MAML3: variants seen among roughly 807,000 people sequenced by gnomAD.
The protein encoded by MAML3 is mastermind-like protein 3.
In MAML3, 27 loss-of-function variants were observed where a neutral mutation model predicts 101.9. The ratio of observed to expected loss-of-function variants is 0.27; its 90% CI spans 0.20 to 0.37. The LOEUF is 0.37. Ranked by LOEUF, MAML3 falls within the 10% of genes least tolerant of loss-of-function variation. The probability of loss-of-function intolerance (pLI) is 1.00; values close to 1 mark genes in which losing one functional copy is unlikely to be tolerated. For synonymous variants in MAML3, 501 were observed against 555.9 expected, an observed-to-expected ratio of 0.90 and a Z score of 1.39; for missense variants, 1,316 against 1,444.9, an observed-to-expected ratio of 0.91 and a Z score of 1.45.
chr4:139,991,288 A>G (rs1405882136), intron 1 of MAML3, among the ~76,000 whole-genome samples: 1 of 152,210 alleles, frequency 6.6e-6, no homozygotes, highest in Admixed American at 6.5e-5. Flanking sequence ...CCTGAGAAAA[A>G]CAAGCAATGG....
At chr4:139,793,209 T>C (rs1730450092) in intron 2 of MAML3, among the ~76,000 whole-genome samples, 5 of 152,146 alleles carry the variant, frequency 3.3e-5, no homozygotes, top group Admixed American at 3.3e-4. Context: ...CTACCTTAAA[T>C]TTAGAGTTAC....
chr4:139,913,407 ATCTGTCTGCTTTTTCCT>A (rs1732967824), intron 1 of MAML3, among the ~76,000 whole-genome samples: 1 of 152,166 alleles, frequency 6.6e-6, no homozygotes, highest in Non-Finnish European at 1.5e-5. Flanking sequence ...AAATTTCTAA[ATCTGTCTGCTTTTTCCT>A]TTTTCTGACT....
intron 1 of MAML3, among the ~76,000 whole-genome samples, chr4:140,145,713 G>A (rs1318769954): frequency 5.9e-5 from 9 of 151,732 alleles, no homozygotes; most frequent in African/African-American, 1.9e-4. Context: ...TTATAGACAT[G>A]CGCCACCACG....
At chr4:139,847,248 C>T (rs1440716633) in intron 2 of MAML3, among the ~76,000 whole-genome samples, 1 of 152,122 alleles carries the variant, frequency 6.6e-6, no homozygotes, top group Admixed American at 6.5e-5. Context: ...TGGTTCTTTT[C>T]TTCTGGGTTA....
At chr4:140,120,317 C>T (rs1560899816) in intron 1 of MAML3, among the ~76,000 whole-genome samples, 3 of 150,930 alleles carry the variant, frequency 2.0e-5, no homozygotes, top group African/African-American at 7.3e-5. Context: ...GAGTAATGAG[C>T]AGTATTAAAT....
At chr4:140,151,679 G>C (rs1364653914) in intron 1 of MAML3, among the ~76,000 whole-genome samples, 2 of 97,518 alleles carry the variant, frequency 2.1e-5, no homozygotes, top group African/African-American at 7.9e-5. Flanking sequence ...CAGCACCCGG[G>C]CGGCGCGGTG....
chr4:140,035,665 G>T (rs538223314), intron 1 of MAML3, among the ~76,000 whole-genome samples: 1 of 151,642 alleles, frequency 6.6e-6, no homozygotes, highest in Non-Finnish European at 1.5e-5. Flanking sequence ...GTGGTGGCAC[G>T]CCAGCTACCC....
intron 1 of MAML3, among the ~76,000 whole-genome samples, chr4:140,103,035 G>A (rs1560894194): frequency 6.6e-6 from 1 of 152,128 alleles, no homozygotes; most frequent in African/African-American, 2.4e-5. Context: ...CATAATTTGG[G>A]CTTTGTTGTA....
intron 1 of MAML3, among the ~76,000 whole-genome samples, chr4:140,001,913 A>G (rs1734931393): frequency 6.6e-6 from 1 of 152,236 alleles, no homozygotes; most frequent in Admixed American, 6.5e-5. Context: ...TCAAATGAAC[A>G]GTATTATTTT....
At chr4:140,042,292 T>G (rs1028383711) in intron 1 of MAML3, among the ~76,000 whole-genome samples, 4 of 152,190 alleles carry the variant, frequency 2.6e-5, no homozygotes, top group African/African-American at 9.6e-5. Flanking sequence ...GACAGCCTTA[T>G]GAACAAACCA....
At chr4:139,722,409 A>G (rs1728272745) in intron 4 of MAML3, among the ~76,000 whole-genome samples, 1 of 152,206 alleles carries the variant, frequency 6.6e-6, no homozygotes, top group African/African-American at 2.4e-5. Flanking sequence ...GTGTCCAAGG[A>G]ATTAACTTGT....
Position 140,152,988 on chromosome 4 carries a change from A to G in MAML3, c.340T>C (p.Tyr114His). The change falls in exon 1 of 5, where the codon TAC (tyrosine) becomes CAC (histidine). Residue 114 changes from tyrosine to histidine, a missense_variant. Tyr to His is a moderately conservative substitution (Grantham distance 83). Transcript: ENST00000509479. ...ELERRDTVSL[Y>H]QRTLEQRAKK... ...GCCCTCTGCTCCAGGGTCCGCTGGTAGAGGCTCACGGTGTCCCGGCGCTCC... is the reference window on the plus strand; with the variant it reads ...GCCCTCTGCTCCAGGGTCCGCTGGTGGAGGCTCACGGTGTCCCGGCGCTCC... The G allele has an allele frequency of 6.2e-7, 1 of 1,609,824 alleles. No homozygotes were observed. Among genetic ancestry groups the G allele is most frequent in the Non-Finnish European group, 8.5e-7 (1 of 1,178,274 alleles).
intron 2 of MAML3, among the ~76,000 whole-genome samples, chr4:139,797,425 G>A (rs1488658222): frequency 6.6e-6 from 1 of 152,170 alleles, no homozygotes; most frequent in East Asian, 1.9e-4. Flanking sequence ...TGGACAATGG[G>A]CTGAGTTTTT....
chr4:139,832,385 T>G (rs1040833773), intron 2 of MAML3, among the ~76,000 whole-genome samples: 1 of 151,942 alleles, frequency 6.6e-6, no homozygotes, highest in Non-Finnish European at 1.5e-5. Context: ...GTGCTGGAAT[T>G]ACAAACGTGA....
At chr4:139,745,876 G>T (rs1729304400) in intron 2 of MAML3, among the ~76,000 whole-genome samples, 1 of 152,226 alleles carries the variant, frequency 6.6e-6, no homozygotes, top group Admixed American at 6.5e-5. Context: ...ATGGAGGAAA[G>T]ATGGCAGGCA....
chr4:139,768,040 G>T (rs1226842538), intron 2 of MAML3, among the ~76,000 whole-genome samples: 2 of 152,124 alleles, frequency 1.3e-5, no homozygotes, highest in East Asian at 1.9e-4. Flanking sequence ...GAATATCTTT[G>T]TTGGCCACTC....
chr4:140,066,453 G>C (rs1434991548), intron 1 of MAML3, among the ~76,000 whole-genome samples: 1 of 152,190 alleles, frequency 6.6e-6, no homozygotes, highest in Non-Finnish European at 1.5e-5. Context: ...GTTTTAGAAA[G>C]CACCATTCTG....
chr4:139,936,355 G>A (rs780236476), intron 1 of MAML3, among the ~76,000 whole-genome samples: 5 of 152,122 alleles, frequency 3.3e-5, no homozygotes, highest in Non-Finnish European at 5.9e-5. Context: ...AGTTAACACA[G>A]GAGTGCAAAC....
At chr4:139,914,554 A>G (rs1018172045) in intron 1 of MAML3, among the ~76,000 whole-genome samples, 8 of 152,212 alleles carry the variant, frequency 5.3e-5, no homozygotes, top group African/African-American at 1.9e-4. Context: ...CTCTCCAGAA[A>G]TAGAGCTAGA....
Sources: allele counts gnomAD v4.1 joint callset (sites outside exome capture counted in the v4.1 genomes callset), GRCh38; gene constraint gnomAD v4.1.1; transcripts MANE v1.5; gene names NCBI Gene and HGNC (gene_info 2026-07-23, HGNC 2026-07-21).